Variants in CCSER1 observed in about 807,000 individuals in gnomAD.
CCSER1 encodes the protein serine-rich coiled-coil domain-containing protein 1.
In CCSER1, 41 loss-of-function variants were observed where a neutral mutation model predicts 82.0. The observed-to-expected ratio is 0.50, with a 90% CI of 0.39 to 0.65. CCSER1 has a LOEUF of 0.65. CCSER1 is among the 30% of genes least tolerant of loss of function. The pLI is 0.00. For synonymous variants in CCSER1, 414 were observed against 383.9 expected, an observed-to-expected ratio of 1.08 and a Z score of -0.92; for missense variants, 1,119 against 1,064.2, an observed-to-expected ratio of 1.05 and a Z score of -0.72.
chr4:90,419,193 G>A (rs138092457), intron 4 of CCSER1, among the ~76,000 whole-genome samples: 217 of 152,028 alleles, frequency 1.4e-3, no homozygotes, highest in Non-Finnish European at 2.4e-3. Flanking sequence ...GGATGAAATT[G>A]TGATCTCAGT....
chr4:90,791,728 A>G (rs1038614882), intron 7 of CCSER1, among the ~76,000 whole-genome samples: 1 of 151,640 alleles, frequency 6.6e-6, no homozygotes, highest in Non-Finnish European at 1.5e-5. Flanking sequence ...AGGCTGAGGC[A>G]GGAGAATGGC....
chr4:90,156,847 TTA>T, intron 1 of CCSER1, among the ~76,000 whole-genome samples: 1 of 152,264 alleles, frequency 6.6e-6, no homozygotes, highest in East Asian at 1.9e-4. Flanking sequence ...TCTGTGTCTT[TTA>T]ATTGGAACAT....
intron 5 of CCSER1, among the ~76,000 whole-genome samples, chr4:90,475,951 AG>A (rs1216437718): frequency 3.9e-5 from 6 of 152,084 alleles, no homozygotes; most frequent in Admixed American, 3.9e-4. Flanking sequence ...TTTAATCTTC[AG>A]GGGTCAGCTT....
At chr4:90,247,728 A>G (rs958715323) in intron 1 of CCSER1, among the ~76,000 whole-genome samples, 2 of 152,070 alleles carry the variant, frequency 1.3e-5, no homozygotes, top group African/African-American at 4.8e-5. Context: ...ACGTATTTAT[A>G]GGGAGATATC....
chr4:90,946,948 C>A (rs151038599), intron 9 of CCSER1, among the ~76,000 whole-genome samples: 5 of 152,296 alleles, frequency 3.3e-5, no homozygotes, highest in African/African-American at 1.2e-4. Flanking sequence ...CAGCAAGCAA[C>A]GCTTCTCCAG....
At chr4:90,954,958 T>C (rs1402944291) in intron 9 of CCSER1, among the ~76,000 whole-genome samples, 1 of 152,188 alleles carries the variant, frequency 6.6e-6, no homozygotes, top group Admixed American at 6.5e-5. Flanking sequence ...GGAACTATCT[T>C]CCACCAGATA....
intron 10 of CCSER1, among the ~76,000 whole-genome samples, chr4:91,488,278 T>G (rs947980382): frequency 1.1e-4 from 17 of 152,228 alleles, no homozygotes; most frequent in African/African-American, 4.1e-4. Context: ...GGCAATTATT[T>G]TATGTGATTT....
chr4:90,961,074 T>A (rs73834710), intron 9 of CCSER1, among the ~76,000 whole-genome samples: 3,035 of 152,256 alleles, frequency 0.02, 81 homozygotes, highest in African/African-American at 0.059. Context: ...TGCCCTAATG[T>A]TGACAAACTC....
intron 10 of CCSER1, among the ~76,000 whole-genome samples, chr4:91,573,111 A>G (rs1763271812): frequency 6.6e-6 from 1 of 152,158 alleles, no homozygotes; most frequent in African/African-American, 2.4e-5. Flanking sequence ...GTCTGACCAC[A>G]TTGTGGTAGA....
intron 4 of CCSER1, among the ~76,000 whole-genome samples, chr4:90,428,791 G>A (rs975907514): frequency 6.6e-6 from 1 of 151,734 alleles, no homozygotes; most frequent in Non-Finnish European, 1.5e-5. Context: ...AAAATATTAA[G>A]TAAACATTAT....
intron 3 of CCSER1, among the ~76,000 whole-genome samples, chr4:90,352,346 A>AG (rs1305057075): frequency 9.2e-5 from 14 of 151,540 alleles, no homozygotes; most frequent in African/African-American, 3.4e-4. Flanking sequence ...AACCAAAAAA[A>AG]CAAAACAAAA....
At chr4:90,148,247 T>C (rs1216778331) in intron 1 of CCSER1, among the ~76,000 whole-genome samples, 1 of 152,214 alleles carries the variant, frequency 6.6e-6, no homozygotes, top group Non-Finnish European at 1.5e-5. Context: ...AAGAAATTAA[T>C]GGTTTATATT....
chr4:90,352,302 C>T (rs563843345), intron 3 of CCSER1, among the ~76,000 whole-genome samples: 7 of 151,744 alleles, frequency 4.6e-5, no homozygotes, highest in Non-Finnish European at 1.0e-4. Flanking sequence ...CCAGCCTGGG[C>T]GACAGACCGA....
intron 9 of CCSER1, among the ~76,000 whole-genome samples, chr4:91,021,174 CTGTT>C (rs763511747): frequency 3.9e-5 from 6 of 152,132 alleles, no homozygotes; most frequent in South Asian, 2.1e-4. Context: ...TTACATAAAT[CTGTT>C]TGACTATTTT....
chr4:90,655,981 C>T (rs1480337962), intron 6 of CCSER1, among the ~76,000 whole-genome samples: 1 of 151,918 alleles, frequency 6.6e-6, no homozygotes, highest in Non-Finnish European at 1.5e-5. Context: ...TTTTCTTTTA[C>T]TAACATGCTG....
intron 10 of CCSER1, among the ~76,000 whole-genome samples, chr4:91,595,918 A>G (rs1764545309): frequency 6.9e-6 from 1 of 144,236 alleles, no homozygotes; most frequent in African/African-American, 2.5e-5. Flanking sequence ...AGCTTTGGAG[A>G]TAATAGTAAA....
At chr4:91,145,434 G>C (rs1044998950) in intron 10 of CCSER1, among the ~76,000 whole-genome samples, 1 of 152,134 alleles carries the variant, frequency 6.6e-6, no homozygotes, top group African/African-American at 2.4e-5. Flanking sequence ...TTTAAGTAGG[G>C]TGTTTAGACC....
chr4:90,966,060 A>G (rs944999550), intron 9 of CCSER1, among the ~76,000 whole-genome samples: 46 of 152,116 alleles, frequency 3.0e-4, no homozygotes, highest in African/African-American at 1.0e-3. Context: ...AGATTATCCA[A>G]TCTGATAAAG....
chr4:90,503,097 G>T (rs1438979289), intron 5 of CCSER1, among the ~76,000 whole-genome samples: 1 of 152,082 alleles, frequency 6.6e-6, no homozygotes, highest in Non-Finnish European at 1.5e-5. Context: ...TGTCAAACCA[G>T]AAAAAACTGA....
Sources: gnomAD v4.1 joint callset for allele counts (sites outside exome capture counted in the v4.1 genomes callset) on GRCh38, gnomAD v4.1.1 for gene constraint, MANE v1.5 for transcripts, NCBI Gene and HGNC (gene_info 2026-07-23, HGNC 2026-07-21) for gene names.